The following PIGL variants were observed in gnomAD, a reference collection of about 807,000 sequenced individuals.
The protein encoded by PIGL is phosphatidylinositol glycan anchor biosynthesis class L.
PIGL carries 22 observed loss-of-function variants against 31.1 expected under a neutral mutation model. The ratio of observed to expected loss-of-function variants is 0.71; its 90% CI spans 0.51 to 1.01. The LOEUF is 1.01. PIGL is among the 50% of genes least tolerant of loss of function. The pLI is 0.00. For synonymous variants in PIGL, 131 were observed against 117.4 expected (o/e 1.12, Z -0.75); for missense variants, 302 against 315.9 (o/e 0.96, Z 0.33).
At chr17:16,296,790 G>A (rs2092984131) in intron 2 of PIGL, among the ~76,000 whole-genome samples, 1 of 151,666 alleles carries the variant, frequency 6.6e-6, no homozygotes, top group Admixed American at 6.6e-5. Flanking sequence ...GGTCTCGGCT[G>A]ACTGCAAGCT....
intron 2 of PIGL, among the ~76,000 whole-genome samples, chr17:16,288,332 G>A (rs1465615797): frequency 6.6e-6 from 1 of 151,748 alleles, no homozygotes; most frequent in African/African-American, 2.4e-5. Context: ...TCAGCCTCCC[G>A]AGTAGCTGGG....
intron 3 of PIGL, among the ~76,000 whole-genome samples, chr17:16,311,974 A>C (rs935583348): frequency 6.6e-6 from 1 of 152,012 alleles, no homozygotes; most frequent in Non-Finnish European, 1.5e-5. Context: ...GCTGTTGGGT[A>C]CACCTCCCAG....
chr17:16,316,811 G>T, intron 5 of PIGL, 99 bp downstream of exon 5: 1 of 1,564,306 alleles, frequency 6.4e-7, no homozygotes, highest in South Asian at 1.1e-5. Context: ...GCCCTCAGCC[G>T]AGCAGAGGCA....
At chr17:16,229,069 A>G (rs2092666671) in intron 1 of PIGL, among the ~76,000 whole-genome samples, 1 of 152,084 alleles carries the variant, frequency 6.6e-6, no homozygotes, top group Non-Finnish European at 1.5e-5. Context: ...CCAGGAGTTC[A>G]AGACCAGTCT....
At chr17:16,276,692 G>A (rs2092897216) in intron 2 of PIGL, among the ~76,000 whole-genome samples, 1 of 152,106 alleles carries the variant, frequency 6.6e-6, no homozygotes, top group African/African-American at 2.4e-5. Flanking sequence ...AGGCACAATT[G>A]TGCCACTGCA....
intron 5 of PIGL, chr17:16,317,237 C>G: frequency 1.0e-6 from 1 of 1,003,464 alleles, no homozygotes; most frequent in Non-Finnish European, 1.2e-6. Flanking sequence ...TAGTTTGTGC[C>G]CTTTCTATGT....
chr17:16,242,644 C>CTTT (rs35572629), intron 2 of PIGL, among the ~76,000 whole-genome samples: 17 of 79,060 alleles, frequency 2.2e-4, no homozygotes, highest in African/African-American at 3.4e-4. Flanking sequence ...TTTCTGATTC[C>CTTT]TTTTTTTTTT....
chr17:16,272,685 C>T (rs564352385), intron 2 of PIGL, among the ~76,000 whole-genome samples: 3 of 152,172 alleles, frequency 2.0e-5, no homozygotes, highest in African/African-American at 7.2e-5. Context: ...CAGTAGGAAG[C>T]TTTTCAGTCC....
chr17:16,297,396 G>C (rs551384318), intron 2 of PIGL, among the ~76,000 whole-genome samples: 1 of 152,316 alleles, frequency 6.6e-6, no homozygotes, highest in East Asian at 1.9e-4. Flanking sequence ...CAGCACCTTA[G>C]CACCTCAGAA....
intron 2 of PIGL, among the ~76,000 whole-genome samples, chr17:16,263,232 G>T (rs992073609): frequency 9.2e-5 from 14 of 152,166 alleles, no homozygotes; most frequent in Non-Finnish European, 1.9e-4. Context: ...AGGCTGGAGT[G>T]CAGTGGCTTA....
At chr17:16,229,603 A>G (rs2092669633) in intron 1 of PIGL, among the ~76,000 whole-genome samples, 1 of 151,452 alleles carries the variant, frequency 6.6e-6, no homozygotes, top group African/African-American at 2.4e-5. Context: ...TGCCACCAGC[A>G]ATGAACTATG....
intron 2 of PIGL, among the ~76,000 whole-genome samples, chr17:16,236,630 C>T (rs1012121827): frequency 1.1e-4 from 17 of 152,054 alleles, no homozygotes; most frequent in Admixed American, 3.3e-4. Context: ...TGCAGTGGTG[C>T]GATCTTGGCT....
chr17:16,236,507 T>C (rs2092700169), intron 2 of PIGL, among the ~76,000 whole-genome samples: 1 of 152,204 alleles, frequency 6.6e-6, no homozygotes, highest in African/African-American at 2.4e-5. Flanking sequence ...TTTGTTTGTC[T>C]TAGTAGGGAA....
intron 2 of PIGL, chr17:16,283,893 A>G (rs1157495261): frequency 6.6e-6 from 1 of 152,146 alleles, no homozygotes; most frequent in Non-Finnish European, 1.5e-5. Context: ...GCATTGCCTC[A>G]TAGAGAGGGA....
chr17:16,284,252 C>G (rs1346827556), intron 2 of PIGL, among the ~76,000 whole-genome samples: 1 of 152,190 alleles, frequency 6.6e-6, no homozygotes, highest in African/African-American at 2.4e-5. Context: ...GCTGGGATTA[C>G]AGGCATCAGC....
Position 16,325,841 on chromosome 17 carries a change from C to T in PIGL, c.702C>T (p.Arg234=), listed in dbSNP as rs764702069. The T allele has an allele frequency of 4.3e-6, 7 of 1,614,026 alleles. No individual in the cohort carries two copies. The Admixed American group carries it at 1.0e-4, about 23-fold the overall frequency. The change falls in exon 7 of 7, where the codon CGC becomes CGT. Residue 234 remains arginine, a synonymous_variant. Coordinates refer to ENST00000225609, the MANE Select transcript of PIGL (RefSeq NM_004278.4). ...ACCGCAGCCAGCTCCTCTGGTTCCG[C>T]CGCCTCTACATTATCTTCTCCCGGT... ...SCHRSQLLWF[R]RLYIIFSRYM...
intron 2 of PIGL, among the ~76,000 whole-genome samples, chr17:16,276,614 G>A (rs2092896815): frequency 1.3e-5 from 2 of 152,168 alleles, no homozygotes; most frequent in Admixed American, 1.3e-4. Context: ...GCGGGCACCT[G>A]TAATCCCAGA....
intron 2 of PIGL, among the ~76,000 whole-genome samples, chr17:16,250,960 A>G (rs2092768564): frequency 2.0e-5 from 3 of 152,208 alleles, no homozygotes. Flanking sequence ...TGCACAAGAT[A>G]GGTTTTATTT....
intron 3 of PIGL, among the ~76,000 whole-genome samples, chr17:16,307,243 G>C (rs1004644393): frequency 1.3e-5 from 2 of 152,188 alleles, no homozygotes; most frequent in African/African-American, 4.8e-5. Context: ...ATGGCACTCT[G>C]AGAGGATGTT....
Sources: gnomAD v4.1 joint callset for allele counts (sites outside exome capture counted in the v4.1 genomes callset) on GRCh38, gnomAD v4.1.1 for gene constraint, MANE v1.5 for transcripts, NCBI Gene and HGNC (gene_info 2026-07-23, HGNC 2026-07-21) for gene names.